Variants in FGF12 observed in about 807,000 individuals in gnomAD.
The protein encoded by FGF12 is fibroblast growth factor 12B.
A neutral mutation model predicts 23.6 loss-of-function variants in FGF12; 14 were observed. That is an observed-to-expected ratio of 0.59 (90% CI 0.39 to 0.93). The LOEUF (loss-of-function observed/expected upper bound fraction) is 0.93. Among genes scored for constraint, FGF12 ranks in the 40% least tolerant of loss-of-function variants. The pLI is 0.00. For synonymous variants in FGF12, 62 were observed against 77.3 expected (o/e 0.80, Z 1.04); for missense variants, 175 against 217.8 (o/e 0.80, Z 1.24).
rs559341196 is a variant in FGF12, at chr3:192,541,409, A to G, written c.14-180871T>C. Among the ~76,000 whole-genome samples, 28 of 152,294 alleles carry G rather than the reference A, an allele frequency of 1.8e-4. No homozygotes were observed. The South Asian group carries it at 5.6e-3, about 30-fold the overall frequency. On this transcript the variant is annotated intron_variant, in intron 2 of 5. Transcript: ENST00000445105. The stretch of plus-strand genomic sequence containing the variant: ...GCATAAACAAAGAGAAAACTAATTA[A>G]AAGTTTATATTTTAATTGTGTCCCC...
intron 2 of FGF12, among the ~76,000 whole-genome samples, chr3:192,370,125 C>T (rs552143518): frequency 1.8e-4 from 27 of 152,060 alleles, no homozygotes; most frequent in African/African-American, 2.2e-4. Flanking sequence ...GGGCTGGAGG[C>T]GACAGCAGAA....
intron 4 of FGF12, among the ~76,000 whole-genome samples, chr3:192,300,049 G>A (rs2108658505): frequency 6.6e-6 from 1 of 152,234 alleles, no homozygotes; most frequent in South Asian, 2.1e-4. Flanking sequence ...TATGGATTGT[G>A]TTCATCTCCC....
At chr3:192,403,295 T>A (rs1720835796) in intron 2 of FGF12, among the ~76,000 whole-genome samples, 1 of 152,210 alleles carries the variant, frequency 6.6e-6, no homozygotes, top group African/African-American at 2.4e-5. Flanking sequence ...AAATTGTTTT[T>A]CTACTTCTGT....
intron 4 of FGF12, among the ~76,000 whole-genome samples, chr3:192,298,132 C>G (rs1363237436): frequency 6.6e-6 from 1 of 152,216 alleles, no homozygotes; most frequent in Non-Finnish European, 1.5e-5. Flanking sequence ...CTAATGTTCT[C>G]TCAGCTTCAT....
At chr3:192,216,700 C>T (rs559839937) in intron 4 of FGF12, among the ~76,000 whole-genome samples, 19 of 152,210 alleles carry the variant, frequency 1.2e-4, no homozygotes, top group African/African-American at 4.3e-4. Flanking sequence ...CATTTTATCT[C>T]AGAAATCAAG....
intron 2 of FGF12, among the ~76,000 whole-genome samples, chr3:192,675,129 G>A (rs1246009711): frequency 6.6e-6 from 1 of 152,122 alleles, no homozygotes; most frequent in Non-Finnish European, 1.5e-5. Context: ...TAAGTGGTAG[G>A]AGCAAATCAG....
chr3:192,437,207 T>C (rs371308928), intron 2 of FGF12, among the ~76,000 whole-genome samples: 1 of 152,054 alleles, frequency 6.6e-6, no homozygotes, highest in South Asian at 2.1e-4. Context: ...TGTGATAGGA[T>C]TGCAGACTAC....
In FGF12 at chr3:192,662,893, G is replaced by A. The variant is rs181485975; in HGVS notation, c.13+64288C>T. ...TTAGTACTGTTTATCTCCAAAGATC[G>A]TTGGGAGACCTGGTTCTCAAGAAGC... On this transcript the variant is annotated intron_variant, in intron 2 of 5. Transcript: ENST00000445105. Among the ~76,000 whole-genome samples the A allele has an allele frequency of 5.9e-4, 90 of 152,304 alleles. 1 individual carries two copies. The highest frequency in any genetic ancestry group is 2.9e-3 in the South Asian group (14 of 4,824).
At chr3:192,283,842 ATTTCCACGTGGTCAGCACTTCTAAAAC>A (rs1714293677) in intron 4 of FGF12, among the ~76,000 whole-genome samples, 4 of 152,000 alleles carry the variant, frequency 2.6e-5, no homozygotes, top group South Asian at 4.1e-4. Context: ...TTCCTCTCCT[ATTTCCACGTGGTCAGCACTTCTAAAAC>A]AGAGCCCAGG....
intron 2 of FGF12, among the ~76,000 whole-genome samples, chr3:192,584,978 A>G (rs1183153829): frequency 6.6e-6 from 1 of 152,004 alleles, no homozygotes; most frequent in Admixed American, 6.6e-5. Flanking sequence ...GCCTTGCTGA[A>G]GCCAGTGAAT....
chr3:192,375,417 T>C (rs968235348), intron 2 of FGF12, among the ~76,000 whole-genome samples: 2 of 152,328 alleles, frequency 1.3e-5, no homozygotes, highest in African/African-American at 4.8e-5. Flanking sequence ...ATTATTTTAG[T>C]AGTAATCCTT....
chr3:192,599,298 T>G (rs1309557306), intron 2 of FGF12, among the ~76,000 whole-genome samples: 5 of 147,392 alleles, frequency 3.4e-5, no homozygotes, highest in Admixed American at 3.4e-4. Flanking sequence ...ACTGTTACCT[T>G]TGGAATCCTA....
chr3:192,306,105 C>A, intron 4 of FGF12, among the ~76,000 whole-genome samples: 1 of 152,002 alleles, frequency 6.6e-6, no homozygotes. Context: ...CGTGATCCAC[C>A]TGTCTCTAAG....
At chr3:192,546,049 T>C (rs1216215082) in intron 2 of FGF12, among the ~76,000 whole-genome samples, 10 of 152,210 alleles carry the variant, frequency 6.6e-5, no homozygotes, top group Non-Finnish European at 1.5e-4. Context: ...ATTATTGCCT[T>C]AGGAAAGACC....
At chr3:192,243,058 T>G (rs62292823) in intron 4 of FGF12, among the ~76,000 whole-genome samples, 9 of 152,042 alleles carry the variant, frequency 5.9e-5, no homozygotes, top group Admixed American at 5.2e-4. Flanking sequence ...TGATAGTTAA[T>G]TTTCAGGATC....
Position 192,221,312 on chromosome 3 carries a change from C to T in FGF12, c.229-50656G>A, listed in dbSNP as rs1036347343. 6.6e-5 allele frequency among the ~76,000 whole-genome samples: 10 copies of T among 152,276 alleles called. No homozygotes were observed. The East Asian group carries it at 1.9e-3, about 29-fold the overall frequency. Reference sequence around the variant, plus strand: ...CTTAAAGCCACAAATTCTGCACATTCTCTTAGGCTCTTATATGCAAGCCAT... The same window carrying T: ...CTTAAAGCCACAAATTCTGCACATTTTCTTAGGCTCTTATATGCAAGCCAT... On this transcript the variant is annotated intron_variant, in intron 4 of 5. Coordinates refer to ENST00000445105, the MANE Select transcript of FGF12 (RefSeq NM_004113.6).
chr3:192,666,853 T>C (rs1482145246), intron 2 of FGF12, among the ~76,000 whole-genome samples: 2 of 152,086 alleles, frequency 1.3e-5, no homozygotes, highest in Admixed American at 6.5e-5. Flanking sequence ...AACAATATGA[T>C]TGACACTACA....
intron 2 of FGF12, among the ~76,000 whole-genome samples, chr3:192,543,097 G>T (rs559001681): frequency 1.5e-3 from 224 of 152,074 alleles, no homozygotes; most frequent in Non-Finnish European, 2.1e-3. Flanking sequence ...TCAGAATGGT[G>T]AGTTTCCTCC....
At chr3:192,237,185 G>T (rs1001714816) in intron 4 of FGF12, among the ~76,000 whole-genome samples, 2 of 152,170 alleles carry the variant, frequency 1.3e-5, no homozygotes, top group East Asian at 3.9e-4. Context: ...GCTCATAAGG[G>T]TTCTGCTGAA....
Sources: gnomAD v4.1 joint callset for allele counts (sites outside exome capture counted in the v4.1 genomes callset) on GRCh38, gnomAD v4.1.1 for gene constraint, MANE v1.5 for transcripts, NCBI Gene and HGNC (gene_info 2026-07-23, HGNC 2026-07-21) for gene names.